The following SAXO1 variants were observed in gnomAD, a reference collection of about 807,000 sequenced individuals.
SAXO1 encodes stabilizer of axonemal microtubules 1, also known as 4930500O09Rik.
Under a neutral mutation model 17.5 loss-of-function variants are expected in SAXO1, and 21 were observed. That is an observed-to-expected ratio of 1.20 (90% CI 0.85 to 1.72). SAXO1 has a LOEUF of 1.72. Among genes scored for constraint, SAXO1 ranks in the 40% most tolerant of loss-of-function variants. The pLI is 0.00. For missense variants in SAXO1, 843 were observed against 596.0 expected, an observed-to-expected ratio of 1.41 and a Z score of -4.32; for synonymous variants, 274 against 216.5, an observed-to-expected ratio of 1.27 and a Z score of -2.33.
intron 1 of SAXO1, among the ~76,000 whole-genome samples, chr9:19,042,785 C>A (rs189945386): frequency 5.9e-5 from 9 of 151,948 alleles, no homozygotes; most frequent in South Asian, 2.1e-4. Context: ...TCGCTTGAAC[C>A]GGGGAGGCGG....
At chr9:19,046,082 C>CAAAAAAAA (rs57919139) in intron 1 of SAXO1, among the ~76,000 whole-genome samples, 2 of 55,388 alleles carry the variant, frequency 3.6e-5, no homozygotes, top group Admixed American at 2.0e-4. Context: ...AACTCCGTCT[C>CAAAAAAAA]AAAAAAAAAA....
At chr9:18,960,068 G>A (rs563199705) in intron 1 of SAXO1, among the ~76,000 whole-genome samples, 28 of 152,330 alleles carry the variant, frequency 1.8e-4, no homozygotes, top group Non-Finnish European at 3.7e-4. Flanking sequence ...AGCAGCAAAC[G>A]ATATGTTCAG....
chr9:19,013,969 T>A (rs890268303), intron 1 of SAXO1, among the ~76,000 whole-genome samples: 3 of 152,076 alleles, frequency 2.0e-5, no homozygotes, highest in Admixed American at 2.0e-4. Context: ...GTCTGGTGAG[T>A]CTGAAATACA....
At chr9:19,025,115 A>T (rs1177704212) in intron 1 of SAXO1, among the ~76,000 whole-genome samples, 3 of 152,250 alleles carry the variant, frequency 2.0e-5, no homozygotes, top group Non-Finnish European at 2.9e-5. Flanking sequence ...GGCCATTTTT[A>T]AGGAGCATAA....
In SAXO1 at chr9:18,936,310, G is replaced by A. The variant is rs918844396; in HGVS notation, c.421+5327C>T. ...CTATCAGCATCTTGAAAGCATTAGGGGGCCTTGGAGGGAACCATCTTGCTG... is the reference window on the plus strand; with the variant it reads ...CTATCAGCATCTTGAAAGCATTAGGAGGCCTTGGAGGGAACCATCTTGCTG... On this transcript the variant is annotated intron_variant, in intron 3 of 3. Coordinates refer to ENST00000380534, the MANE Select transcript of SAXO1 (RefSeq NM_153707.4). Among the ~76,000 whole-genome samples the A allele has an allele frequency of 4.6e-5, 7 of 152,218 alleles. No individual in the cohort carries two copies. The South Asian group carries it at 6.2e-4, about 14-fold the overall frequency.
At chr9:18,977,585 G>A (rs978690530) in intron 1 of SAXO1, among the ~76,000 whole-genome samples, 6 of 152,148 alleles carry the variant, frequency 3.9e-5, no homozygotes, top group Admixed American at 1.3e-4. Context: ...TTTTCCACTA[G>A]ATTGTAATTA....
chr9:18,944,857 A>G (rs1831722205), intron 2 of SAXO1, among the ~76,000 whole-genome samples: 2 of 152,320 alleles, frequency 1.3e-5, no homozygotes, highest in Middle Eastern at 6.8e-3. Flanking sequence ...CTTTTTTTAA[A>G]CCTGTTTTTA....
intron 1 of SAXO1, among the ~76,000 whole-genome samples, chr9:19,013,142 A>G (rs951538263): frequency 6.6e-6 from 1 of 152,042 alleles, no homozygotes; most frequent in South Asian, 2.1e-4. Context: ...CAAAAAAAAA[A>G]GGAATTTGTG....
chr9:19,001,793 T>A (rs758370576), intron 1 of SAXO1, among the ~76,000 whole-genome samples: 6 of 151,722 alleles, frequency 4.0e-5, no homozygotes, highest in Non-Finnish European at 8.8e-5. Context: ...AGAGAAAGCA[T>A]GAAAGATCTA....
intron 1 of SAXO1, among the ~76,000 whole-genome samples, chr9:19,024,528 G>C (rs937983529): frequency 1.3e-5 from 2 of 151,948 alleles, no homozygotes; most frequent in Non-Finnish European, 2.9e-5. Context: ...CACCAACATG[G>C]CACATGTATA....
chr9:18,998,478 T>C (rs540607636), intron 1 of SAXO1, among the ~76,000 whole-genome samples: 1 of 152,244 alleles, frequency 6.6e-6, no homozygotes, highest in South Asian at 2.1e-4. Context: ...AAAGACCAAA[T>C]CTATGTCTGA....
intron 1 of SAXO1, among the ~76,000 whole-genome samples, chr9:18,951,671 T>G (rs549356225): frequency 1.3e-4 from 20 of 152,232 alleles, no homozygotes; most frequent in African/African-American, 4.8e-4. Flanking sequence ...ACCCTGTGTA[T>G]GCCTGTCCCA....
chr9:18,940,216 C>T (rs1831494874), intron 3 of SAXO1, among the ~76,000 whole-genome samples: 1 of 152,172 alleles, frequency 6.6e-6, no homozygotes, highest in Non-Finnish European at 1.5e-5. Flanking sequence ...GATAAGAGGA[C>T]AAGCCCAGAG....
chr9:18,939,453 C>A (rs879531069), intron 3 of SAXO1, among the ~76,000 whole-genome samples: 2 of 152,216 alleles, frequency 1.3e-5, no homozygotes, highest in Non-Finnish European at 2.9e-5. Context: ...GTACACAATG[C>A]ATGATAAGAC....
At chr9:18,989,553 T>C (rs1833724184) in intron 1 of SAXO1, among the ~76,000 whole-genome samples, 1 of 110,484 alleles carries the variant, frequency 9.1e-6, no homozygotes, top group Non-Finnish European at 2.2e-5. Flanking sequence ...TTTTAGCCAT[T>C]ATGCACACAC....
In SAXO1 at chr9:19,032,877, G is replaced by C. The variant is rs570808481; in HGVS notation, c.32C>G (p.Ser11Cys). The C allele has an allele frequency of 1.2e-6, 2 of 1,610,662 alleles. No individual in the cohort carries two copies. The highest frequency in any genetic ancestry group is 1.1e-5 in the South Asian group (1 of 90,888). ...CTGGGCGTGGCCACCTTACCCGCAG[G>C]AGCACAGTTCACAGATGCACTTCGT... Reference protein sequence around the residue: MKTKCICELCSCGRHHCPHLP... With the variant: MKTKCICELCCCGRHHCPHLP... The change falls in exon 1 of 4, where the codon TCC (serine) becomes TGC (cysteine). Residue 11 changes from serine (S) to cysteine (C), a missense_variant. Physicochemically the swap from Ser to Cys is moderately radical, Grantham distance 112 (BLOSUM62 -1). Coordinates refer to ENST00000380534, the MANE Select transcript of SAXO1 (RefSeq NM_153707.4).
intron 1 of SAXO1, among the ~76,000 whole-genome samples, chr9:18,957,370 T>C (rs1036757518): frequency 3.9e-5 from 6 of 152,208 alleles, no homozygotes; most frequent in African/African-American, 1.2e-4. Flanking sequence ...CACTTCAGTA[T>C]ACAGATGTGG....
chr9:18,928,131 GC>G lies in SAXO1; in HGVS notation c.1345del (p.Ala449GlnfsTer11), dbSNP rs758364326. 6.2e-7 allele frequency: 1 copy of G among 1,614,186 alleles called. No homozygotes were observed. The highest frequency in any genetic ancestry group is 1.1e-5 in the South Asian group (1 of 91,082). ...AAGATGGCTGCTCTGCTGAGAGCCT[GC>G]CTGGGAAACTGGTTTGTATATCCTG... ...GHRIYKPVSQAGSQQSSHLSV... is the reference protein window; with the variant it reads ...GHRIYKPVSQXGSQQSSHLSV... On this transcript the variant is annotated frameshift_variant, in exon 4 of 4. Transcript: ENST00000380534. LOFTEE classifies it low-confidence loss of function (END_TRUNC).
At chr9:19,016,092 C>T (rs1305659236) in intron 1 of SAXO1, among the ~76,000 whole-genome samples, 1 of 152,052 alleles carries the variant, frequency 6.6e-6, no homozygotes, top group African/African-American at 2.4e-5. Flanking sequence ...TCTCCAAGGA[C>T]AATAATATAA....
Sources: gnomAD v4.1 joint callset for allele counts (sites outside exome capture counted in the v4.1 genomes callset) on GRCh38, gnomAD v4.1.1 for gene constraint, MANE v1.5 for transcripts, NCBI Gene and HGNC (gene_info 2026-07-23, HGNC 2026-07-21) for gene names.